HEMK2: variants seen among roughly 807,000 people sequenced by gnomAD.
HEMK2 encodes the protein HemK methyltransferase 2, ETF1 glutamine and histone H4 lysine.
At chr21:28,776,136 CAAG>C in the HEMK2 span, among the ~76,000 whole-genome samples, 7 of 152,168 alleles carry the variant, frequency 4.6e-5, no homozygotes, top group Non-Finnish European at 8.8e-5. Flanking sequence ...CAGGCAGCGT[CAAG>C]AAGAATTTGT....
the HEMK2 span, among the ~76,000 whole-genome samples, chr21:28,825,281 C>A: frequency 2.0e-5 from 3 of 152,158 alleles, no homozygotes; most frequent in African/African-American, 7.2e-5. Context: ...TTCAGTAGGT[C>A]TGGAGAGGGG....
chr21:28,836,316 G>C, the HEMK2 span, among the ~76,000 whole-genome samples: 1 of 152,144 alleles, frequency 6.6e-6, no homozygotes, highest in Non-Finnish European at 1.5e-5. Context: ...AGCTAGAAGG[G>C]ATTGGGGCCC....
chr21:28,844,859 CATT>C, the HEMK2 span, among the ~76,000 whole-genome samples: 1 of 151,944 alleles, frequency 6.6e-6, no homozygotes, highest in African/African-American at 2.4e-5. Flanking sequence ...ATTCTTTGCC[CATT>C]TTTTAATTGG....
the HEMK2 span, among the ~76,000 whole-genome samples, chr21:28,603,917 T>C: frequency 2.0e-5 from 3 of 152,256 alleles, no homozygotes; most frequent in South Asian, 6.2e-4. Context: ...ACCCAGAAGT[T>C]GGTGGCGAGC....
the HEMK2 span, among the ~76,000 whole-genome samples, chr21:28,718,760 A>G: frequency 5.9e-5 from 9 of 152,264 alleles, no homozygotes; most frequent in Admixed American, 4.6e-4. Flanking sequence ...ATATACATAT[A>G]TTTTTCTTTG....
At chr21:28,831,005 T>G in the HEMK2 span, among the ~76,000 whole-genome samples, 1 of 152,210 alleles carries the variant, frequency 6.6e-6, no homozygotes, top group Non-Finnish European at 1.5e-5. Flanking sequence ...TTATTCTGAT[T>G]TCTTCTGGAT....
chr21:28,783,822 G>A, the HEMK2 span, among the ~76,000 whole-genome samples: 34 of 152,212 alleles, frequency 2.2e-4, no homozygotes, highest in African/African-American at 8.2e-4. Flanking sequence ...TCCGGGTAGG[G>A]ATGGGCTTGG....
the HEMK2 span, among the ~76,000 whole-genome samples, chr21:28,882,487 C>A: frequency 6.6e-5 from 10 of 152,170 alleles, no homozygotes; most frequent in African/African-American, 1.9e-4. Flanking sequence ...GCACAGACAT[C>A]TGAAGGAATT....
At chr21:28,800,079 C>T in the HEMK2 span, among the ~76,000 whole-genome samples, 1 of 152,164 alleles carries the variant, frequency 6.6e-6, no homozygotes, top group African/African-American at 2.4e-5. Flanking sequence ...TGCAATCGTG[C>T]TTTCCAAGAC....
the HEMK2 span, among the ~76,000 whole-genome samples, chr21:28,630,785 G>A: frequency 8.4e-5 from 10 of 118,410 alleles, no homozygotes; most frequent in East Asian, 2.8e-3. Context: ...GTCGTGGGGT[G>A]GGGGGAGGGG....
At chr21:28,647,485 G>A in the HEMK2 span, among the ~76,000 whole-genome samples, 1 of 126,350 alleles carries the variant, frequency 7.9e-6, no homozygotes, top group African/African-American at 3.1e-5. Flanking sequence ...TCCAGCCTGG[G>A]CAACAACAGC....
chr21:28,579,099 G>A, the HEMK2 span, among the ~76,000 whole-genome samples: 2 of 152,102 alleles, frequency 1.3e-5, no homozygotes, highest in African/African-American at 4.8e-5. Context: ...AACTCGGTAG[G>A]GGTAGAAATC....
the HEMK2 span, among the ~76,000 whole-genome samples, chr21:28,793,951 T>C: frequency 3.3e-5 from 5 of 152,214 alleles, no homozygotes; most frequent in Non-Finnish European, 7.3e-5. Flanking sequence ...ATGGCCCTAC[T>C]GACACCTTCA....
At chr21:28,857,341 G>A in the HEMK2 span, among the ~76,000 whole-genome samples, 6 of 151,994 alleles carry the variant, frequency 3.9e-5, no homozygotes, top group Admixed American at 1.3e-4. Flanking sequence ...AGCACAAAAC[G>A]TATTTTGTAA....
At chr21:28,709,805 C>A in the HEMK2 span, among the ~76,000 whole-genome samples, 1 of 151,908 alleles carries the variant, frequency 6.6e-6, no homozygotes, top group Non-Finnish European at 1.5e-5. Context: ...GTGAAGGGCA[C>A]CTGAAAATAA....
At chr21:28,883,072 C>G in the HEMK2 span, 3 of 1,589,580 alleles carry the variant, frequency 1.9e-6, no homozygotes, top group Non-Finnish European at 1.7e-6. Flanking sequence ...TATTTCCACT[C>G]TGAAAAAAAA....
chr21:28,705,683 T>C, the HEMK2 span, among the ~76,000 whole-genome samples: 5 of 152,168 alleles, frequency 3.3e-5, no homozygotes, highest in African/African-American at 9.6e-5. Flanking sequence ...GACGGTTCTG[T>C]AGGCTAGAAG....
At chr21:28,648,672 A>C in the HEMK2 span, among the ~76,000 whole-genome samples, 1 of 152,186 alleles carries the variant, frequency 6.6e-6, no homozygotes, top group African/African-American at 2.4e-5. Context: ...ACAGACATTA[A>C]AGAACCCACT....
At chr21:28,846,046 T>C in the HEMK2 span, among the ~76,000 whole-genome samples, 4 of 152,190 alleles carry the variant, frequency 2.6e-5, no homozygotes, top group African/African-American at 9.7e-5. Context: ...GAATATGTGG[T>C]ATTTAGTTTT....
Sources: allele counts gnomAD v4.1 joint callset (sites outside exome capture counted in the v4.1 genomes callset), GRCh38; gene constraint gnomAD v4.1.1; transcripts MANE v1.5; gene names NCBI Gene and HGNC (gene_info 2026-07-23, HGNC 2026-07-21).